The following KATNAL2 variants were observed in gnomAD, a reference collection of about 807,000 sequenced individuals.
The protein encoded by KATNAL2 is katanin catalytic subunit A1 like 2.
Under a neutral mutation model 76.3 loss-of-function variants are expected in KATNAL2, and 52 were observed. That is an observed-to-expected ratio of 0.68 (90% CI 0.55 to 0.86). The LOEUF (loss-of-function observed/expected upper bound fraction) is 0.86. Ranked by LOEUF, KATNAL2 falls within the 40% of genes least tolerant of loss-of-function variation. The pLI is 0.00. For synonymous variants in KATNAL2, 243 were observed against 244.2 expected (o/e 1.00, Z 0.05); for missense variants, 660 against 668.9 (o/e 0.99, Z 0.15).
At chr18:47,077,643 T>C in intron 15 of KATNAL2, 182 bp downstream of exon 15, 1 of 533,586 alleles carries the variant, frequency 1.9e-6, no homozygotes. Context: ...AAGATCTGCC[T>C]TAACAGAGGA....
intron 3 of KATNAL2, among the ~76,000 whole-genome samples, chr18:47,038,062 G>A (rs895689208): frequency 1.3e-5 from 2 of 151,958 alleles, no homozygotes; most frequent in African/African-American, 4.8e-5. Context: ...TATAGACATC[G>A]ACTCTTTTGC....
intron 15 of KATNAL2, among the ~76,000 whole-genome samples, chr18:47,090,332 C>G (rs1358505657): frequency 6.6e-6 from 1 of 152,110 alleles, no homozygotes; most frequent in Non-Finnish European, 1.5e-5. Context: ...GTCTCAAACT[C>G]CTGACCTCAG....
intron 3 of KATNAL2, among the ~76,000 whole-genome samples, chr18:46,957,037 C>A (rs77069951): frequency 5.3e-3 from 549 of 104,342 alleles, no homozygotes; most frequent in Middle Eastern, 9.3e-3. Context: ...AACTCCGTCT[C>A]AAAAAAAAAA....
chr18:47,039,577 C>T (rs527808079), intron 3 of KATNAL2, among the ~76,000 whole-genome samples: 6 of 152,170 alleles, frequency 3.9e-5, no homozygotes, highest in Admixed American at 6.5e-5. Flanking sequence ...TGGAGTATTT[C>T]TATAATATAG....
intron 1 of KATNAL2, among the ~76,000 whole-genome samples, chr18:46,927,730 C>T (rs1483113646): frequency 5.3e-5 from 8 of 152,134 alleles, no homozygotes; most frequent in South Asian, 2.1e-4. Context: ...ACCAATCAGA[C>T]GTAGATTTGG....
intron 1 of KATNAL2, among the ~76,000 whole-genome samples, chr18:46,934,983 T>G (rs961533097): frequency 1.3e-5 from 2 of 152,158 alleles, no homozygotes; most frequent in Non-Finnish European, 2.9e-5. Context: ...TGTCAAAATA[T>G]CTTATAAATA....
chr18:46,927,938 G>T (rs1029795350), intron 1 of KATNAL2, among the ~76,000 whole-genome samples: 71 of 152,224 alleles, frequency 4.7e-4, no homozygotes, highest in Non-Finnish European at 8.4e-4. Flanking sequence ...AGCTCCATCA[G>T]GTCCTTTAAG....
At chr18:46,923,758 A>G (rs1249570207) in intron 1 of KATNAL2, among the ~76,000 whole-genome samples, 2 of 152,112 alleles carry the variant, frequency 1.3e-5, no homozygotes, top group Non-Finnish European at 2.9e-5. Context: ...CTTTTTAATG[A>G]TCGACATTCT....
chr18:46,923,264 C>G (rs1454295622), intron 1 of KATNAL2, among the ~76,000 whole-genome samples: 5 of 126,786 alleles, frequency 3.9e-5, no homozygotes, highest in Admixed American at 1.9e-4. Context: ...TGTTCCCCTT[C>G]CTGTGTCCAT....
rs2059374013 is a variant in KATNAL2, at chr18:46,945,999, C to A, written c.-509-58C>A. ...AGCTAGTCCTTTCAGAAAGCTTGCC[C>A]TGAATGGGAGAAAGGTGATTCAGTT... is the stretch of plus-strand genomic sequence containing the variant. On this transcript the variant is annotated intron_variant, in intron 1 of 17. Transcript: ENST00000683218. 4 of 160,772 alleles carry A rather than the reference C, an allele frequency of 2.5e-5. No individual in the cohort carries two copies. The South Asian group carries it at 6.0e-4, about 24-fold the overall frequency. The allele number at this position is 160,772 out of a possible 1,614,324, so 10.0% of individuals were successfully genotyped here.
intron 15 of KATNAL2, among the ~76,000 whole-genome samples, chr18:47,094,606 T>G (rs971726303): frequency 1.3e-5 from 2 of 152,226 alleles, no homozygotes; most frequent in African/African-American, 4.8e-5. Flanking sequence ...TTGCCAACTG[T>G]GGGCTCCATG....
In KATNAL2 at chr18:47,054,869, T is replaced by G. The variant is rs141635368; in HGVS notation, c.332+431T>G. 6.6e-5 allele frequency among the ~76,000 whole-genome samples: 10 copies of G among 152,386 alleles called. No individual in the cohort carries two copies. In the East Asian group the frequency reaches 1.9e-3, roughly 29 times the overall value. On this transcript the variant is annotated intron_variant, in intron 6 of 17. Transcript: ENST00000683218. ...TCAAGCACTCCCAGATCAGATGTCC[T>G]GACCTGTCTGAAGATCAACAATGAG...
intron 15 of KATNAL2, among the ~76,000 whole-genome samples, chr18:47,097,546 C>T (rs2063302547): frequency 6.6e-6 from 1 of 152,178 alleles, no homozygotes; most frequent in African/African-American, 2.4e-5. Flanking sequence ...AGGAAATCAT[C>T]AGACAAATTC....
intron 1 of KATNAL2, among the ~76,000 whole-genome samples, chr18:46,932,564 C>G (rs954761363): frequency 4.7e-5 from 7 of 147,460 alleles, no homozygotes; most frequent in African/African-American, 1.8e-4. Context: ...TGCACCGCCA[C>G]TCAGGAGGCT....
At chr18:47,068,133 T>C (rs1264377915) in intron 11 of KATNAL2, among the ~76,000 whole-genome samples, 9 of 152,254 alleles carry the variant, frequency 5.9e-5, no homozygotes, top group African/African-American at 2.2e-4. Flanking sequence ...AATGTCCCAC[T>C]GGCCAAAGTC....
chr18:47,087,581 A>C (rs2062828020), intron 15 of KATNAL2, among the ~76,000 whole-genome samples: 1 of 152,200 alleles, frequency 6.6e-6, no homozygotes, highest in Non-Finnish European at 1.5e-5. Flanking sequence ...GGAGCAGAGA[A>C]AAATAACTAT....
At chr18:47,084,591 G>A in intron 15 of KATNAL2, 1 of 578,722 alleles carries the variant, frequency 1.7e-6, no homozygotes, top group Non-Finnish European at 3.1e-6. Context: ...GCTCATGCCT[G>A]TAATCCCAGC....
At chr18:47,063,197 G>A (rs1313303639) in intron 9 of KATNAL2, 87 bp from the exon 10 acceptor site, 2 of 1,471,290 alleles carry the variant, frequency 1.4e-6, no homozygotes, top group African/African-American at 1.4e-5. Context: ...GCCATCGTTT[G>A]TTTCACCAAG....
intron 3 of KATNAL2, among the ~76,000 whole-genome samples, chr18:46,947,559 G>A (rs1467364713): frequency 6.6e-6 from 1 of 152,002 alleles, no homozygotes; most frequent in East Asian, 1.9e-4. Context: ...GCCAGGCACT[G>A]GGGAGATAAA....
Sources: gnomAD v4.1 joint callset for allele counts (sites outside exome capture counted in the v4.1 genomes callset) on GRCh38, gnomAD v4.1.1 for gene constraint, MANE v1.5 for transcripts, NCBI Gene and HGNC (gene_info 2026-07-23, HGNC 2026-07-21) for gene names.